Variants in MDGA2 observed in about 807,000 individuals in gnomAD.
The protein encoded by MDGA2 is MAM domain containing glycosylphosphatidylinositol anchor 2.
In MDGA2, 40 loss-of-function variants were observed where a neutral mutation model predicts 117.8. The observed-to-expected ratio is 0.34, with a 90% CI of 0.26 to 0.44. The LOEUF is 0.44. MDGA2 is among the 20% of genes least tolerant of loss of function. The pLI is 1.00. For synonymous variants in MDGA2, 452 were observed against 439.0 expected, an observed-to-expected ratio of 1.03 and a Z score of -0.37; for missense variants, 1,123 against 1,250.6, an observed-to-expected ratio of 0.90 and a Z score of 1.54.
At chr14:47,670,025 T>C (rs1486039729) in intron 1 of MDGA2, among the ~76,000 whole-genome samples, 2 of 152,194 alleles carry the variant, frequency 1.3e-5, no homozygotes, top group Non-Finnish European at 2.9e-5. Context: ...CAGAGCTTTC[T>C]TGTGTCACTT....
intron 1 of MDGA2, among the ~76,000 whole-genome samples, chr14:47,382,353 TG>T (rs1891654886): frequency 6.6e-6 from 1 of 151,860 alleles, no homozygotes. Flanking sequence ...AATTGACAAA[TG>T]GGATCTAATT....
intron 8 of MDGA2, among the ~76,000 whole-genome samples, chr14:47,013,299 G>A (rs1887960351): frequency 6.6e-6 from 1 of 152,090 alleles, no homozygotes; most frequent in African/African-American, 2.4e-5. Flanking sequence ...ATCTTCATTA[G>A]CAGTAGATTC....
intron 3 of MDGA2, among the ~76,000 whole-genome samples, chr14:47,163,096 G>A (rs1188387542): frequency 1.3e-5 from 2 of 152,022 alleles, no homozygotes; most frequent in Non-Finnish European, 2.9e-5. Flanking sequence ...ACATCTTTGG[G>A]GCTCTAATCT....
At chr14:47,655,579 C>T (rs552096948) in intron 1 of MDGA2, among the ~76,000 whole-genome samples, 3 of 152,176 alleles carry the variant, frequency 2.0e-5, no homozygotes, top group Admixed American at 6.6e-5. Flanking sequence ...TTGTAGGAGT[C>T]TATGGCCTGA....
intron 8 of MDGA2, among the ~76,000 whole-genome samples, chr14:46,990,874 A>ACCCACACACACC: frequency 8.3e-6 from 1 of 119,840 alleles, no homozygotes; most frequent in Non-Finnish European, 1.7e-5. Flanking sequence ...ACCCACACAC[A>ACCCACACACACC]CACACACACA....
intron 1 of MDGA2, among the ~76,000 whole-genome samples, chr14:47,451,865 A>G (rs1362744035): frequency 6.6e-6 from 1 of 152,106 alleles, no homozygotes; most frequent in Non-Finnish European, 1.5e-5. Flanking sequence ...CAAAGAAGAG[A>G]ATTCCTTTGA....
chr14:47,258,040 C>T (rs747978236), intron 2 of MDGA2, among the ~76,000 whole-genome samples: 4 of 152,280 alleles, frequency 2.6e-5, no homozygotes, highest in East Asian at 1.9e-4. Context: ...ATATCTTTCA[C>T]TGAAAAATAT....
chr14:47,032,999 C>A (rs918810105), intron 8 of MDGA2, among the ~76,000 whole-genome samples: 1 of 152,128 alleles, frequency 6.6e-6, no homozygotes, highest in African/African-American at 2.4e-5. Context: ...GGGATGCAGA[C>A]AAATTGTATC....
intron 1 of MDGA2, among the ~76,000 whole-genome samples, chr14:47,532,978 G>A (rs1285399737): frequency 1.3e-5 from 2 of 152,196 alleles, no homozygotes; most frequent in African/African-American, 2.4e-5. Context: ...CAACATGGCT[G>A]CATCAGCCCT....
At chr14:46,911,329 G>T (rs189668172) in intron 10 of MDGA2, among the ~76,000 whole-genome samples, 89 of 152,266 alleles carry the variant, frequency 5.8e-4, no homozygotes, top group African/African-American at 2.0e-3. Flanking sequence ...ACAGAAAACA[G>T]AAGCTGGGAA....
At chr14:47,625,154 G>A (rs1332515026) in intron 1 of MDGA2, among the ~76,000 whole-genome samples, 1 of 152,128 alleles carries the variant, frequency 6.6e-6, no homozygotes, top group Admixed American at 6.5e-5. Context: ...ACAGGTTACA[G>A]TATAGTTGTT....
chr14:47,555,330 G>A lies in MDGA2; in HGVS notation c.280+119187C>T, dbSNP rs576913634. On this transcript the variant is annotated intron_variant, in intron 1 of 16. Transcript: ENST00000399232. The stretch of plus-strand genomic sequence containing the variant: ...TCTCATTCTTATAAGAACTGAGAGT[G>A]TGTGGCTGTGGAGAGTTTGTAAGTT... 9.2e-5 allele frequency among the ~76,000 whole-genome samples: 14 copies of A among 152,254 alleles called. No individual in the cohort carries two copies. The South Asian group carries it at 2.9e-3, about 32-fold the overall frequency.
chr14:47,563,578 G>GGTTTTT (rs1895857035), intron 1 of MDGA2, among the ~76,000 whole-genome samples: 11 of 56,972 alleles, frequency 1.9e-4, no homozygotes, highest in African/African-American at 9.5e-4. Context: ...GCTTTTTTCT[G>GGTTTTT]TTTTTTTTTT....
intron 1 of MDGA2, among the ~76,000 whole-genome samples, chr14:47,567,500 C>A (rs1895941306): frequency 6.6e-6 from 1 of 152,216 alleles, no homozygotes; most frequent in South Asian, 2.1e-4. Flanking sequence ...TTTCATCTTT[C>A]TGAGCTCATT....
intron 2 of MDGA2, among the ~76,000 whole-genome samples, chr14:47,292,286 A>C (rs990404670): frequency 6.6e-6 from 1 of 152,162 alleles, no homozygotes; most frequent in Non-Finnish European, 1.5e-5. Context: ...TGGGAAGAAC[A>C]GTTTTATAGG....
chr14:47,126,636 G>T (rs1881918056), intron 5 of MDGA2, among the ~76,000 whole-genome samples: 1 of 152,080 alleles, frequency 6.6e-6, no homozygotes, highest in Non-Finnish European at 1.5e-5. Context: ...TTTCGAAGCA[G>T]TTCTAGATAA....
intron 1 of MDGA2, among the ~76,000 whole-genome samples, chr14:47,552,050 AAAT>A (rs1327387926): frequency 2.6e-5 from 4 of 152,180 alleles, no homozygotes; most frequent in Non-Finnish European, 5.9e-5. Context: ...ACCAGACTAA[AAAT>A]AATATTTCAA....
chr14:47,349,589 T>C (rs1018084987), intron 1 of MDGA2, among the ~76,000 whole-genome samples: 6 of 152,222 alleles, frequency 3.9e-5, no homozygotes, highest in Non-Finnish European at 7.3e-5. Context: ...CACAAAGCCT[T>C]TTTTAGGAGT....
chr14:47,229,404 T>C (rs1262636825), intron 2 of MDGA2, among the ~76,000 whole-genome samples: 2 of 152,130 alleles, frequency 1.3e-5, no homozygotes, highest in Non-Finnish European at 2.9e-5. Flanking sequence ...CTAGACTGTT[T>C]TTCTGTGAGA....
Sources: allele counts gnomAD v4.1 joint callset (sites outside exome capture counted in the v4.1 genomes callset), GRCh38; gene constraint gnomAD v4.1.1; transcripts MANE v1.5; gene names NCBI Gene and HGNC (gene_info 2026-07-23, HGNC 2026-07-21).